ZNF385D: variants seen among roughly 807,000 people sequenced by gnomAD.
ZNF385D encodes the protein zinc finger protein 659.
ZNF385D carries 15 observed loss-of-function variants against 35.8 expected under a neutral mutation model. That is an observed-to-expected ratio of 0.42 (90% CI 0.28 to 0.64). ZNF385D has a LOEUF of 0.64. ZNF385D is among the 30% of genes least tolerant of loss of function. The pLI is 0.23. For synonymous variants in ZNF385D, 212 were observed against 186.8 expected (o/e 1.13, Z -1.10); for missense variants, 474 against 494.6 (o/e 0.96, Z 0.39).
chr3:21,773,972 A>T (rs2071185381), intron 3 of ZNF385D, among the ~76,000 whole-genome samples: 1 of 152,060 alleles, frequency 6.6e-6, no homozygotes. Flanking sequence ...ATGCACACAT[A>T]TGTTCATTGC....
At chr3:21,826,998 T>G (rs1694684681) in intron 3 of ZNF385D, among the ~76,000 whole-genome samples, 1 of 152,128 alleles carries the variant, frequency 6.6e-6, no homozygotes, top group Non-Finnish European at 1.5e-5. Flanking sequence ...TCACTTCCTC[T>G]CTGTGCCTCT....
chr3:21,880,133 C>G (rs535823712), intron 3 of ZNF385D, among the ~76,000 whole-genome samples: 1 of 151,906 alleles, frequency 6.6e-6, no homozygotes, highest in South Asian at 2.1e-4. Flanking sequence ...TTTAAAGGTT[C>G]CAGAAGCATA....
At chr3:21,851,606 CT>C (rs1696391918) in intron 3 of ZNF385D, among the ~76,000 whole-genome samples, 2 of 151,870 alleles carry the variant, frequency 1.3e-5, no homozygotes, top group African/African-American at 4.8e-5. Flanking sequence ...AAGAAAATAT[CT>C]TGTGGTCATG....
rs1559561978 is a variant in ZNF385D at position 21,732,047 on chromosome 3, T to G, written c.22+18848A>C. The stretch of plus-strand genomic sequence containing the variant: ...TTTTCGGGGTTTTTTTTTTTTTTTT[T>G]TTTTTTTTTTTTTTTTTTTTTTGAG... On this transcript the variant is annotated intron_variant, in intron 1 of 7. Coordinates refer to ENST00000281523, the MANE Select transcript of ZNF385D (RefSeq NM_024697.3). 5.7e-3 allele frequency among the ~76,000 whole-genome samples: 309 copies of G among 54,132 alleles called. 55 individuals are homozygous for G. The highest frequency in any genetic ancestry group is 0.025 in the Middle Eastern group (3 of 118). The allele number at this position is 54,132 out of a possible 152,430, so 35.5% of individuals were successfully genotyped here.
intron 2 of ZNF385D, among the ~76,000 whole-genome samples, chr3:22,288,165 C>A (rs1256001926): frequency 6.6e-6 from 1 of 151,916 alleles, no homozygotes; most frequent in South Asian, 2.1e-4. Flanking sequence ...ACAAGTAGTT[C>A]TCTTGCTGTT....
rs535632234 is a variant in ZNF385D at position 21,541,733 on chromosome 3, A to G, written c.276+22841T>C. Among the ~76,000 whole-genome samples the G allele has an allele frequency of 3.3e-5, 5 of 152,336 alleles. 1 individual carries two copies. The highest frequency in any genetic ancestry group is 1.2e-4 in the African/African-American group (5 of 41,584). ...AAAAAAAGCAAGAGTCTTGATAAAC[A>G]GGAACTAGGATTAATGAAATGGAAT... is the stretch of plus-strand genomic sequence containing the variant. On this transcript the variant is annotated intron_variant, in intron 3 of 7. Coordinates refer to ENST00000281523, the MANE Select transcript of ZNF385D (RefSeq NM_024697.3).
At chr3:21,758,679 C>T (rs1244338035) in intron 3 of ZNF385D, among the ~76,000 whole-genome samples, 1 of 152,088 alleles carries the variant, frequency 6.6e-6, no homozygotes, top group Admixed American at 6.5e-5. Flanking sequence ...GATCCCCTTG[C>T]AGTAAGAAGC....
intron 3 of ZNF385D, among the ~76,000 whole-genome samples, chr3:22,110,576 G>C (rs562076350): frequency 7.2e-5 from 11 of 151,974 alleles, no homozygotes; most frequent in Non-Finnish European, 1.6e-4. Context: ...CTCATAGATG[G>C]GAATTGAACA....
intron 3 of ZNF385D, among the ~76,000 whole-genome samples, chr3:22,023,809 C>CT (rs1697368462): frequency 6.6e-6 from 1 of 151,924 alleles, no homozygotes; most frequent in African/African-American, 2.4e-5. Context: ...AAAGCAAGAA[C>CT]TTGGAAGAGT....
At chr3:22,092,068 A>G (rs1824972) in intron 3 of ZNF385D, among the ~76,000 whole-genome samples, 19,464 of 152,216 alleles carry the variant, frequency 0.13, 1,548 homozygotes, top group Middle Eastern at 0.24. Context: ...ACTTTTGAAT[A>G]AAAGTTCAAG....
At chr3:21,896,105 C>T (rs945959788) in intron 3 of ZNF385D, among the ~76,000 whole-genome samples, 5 of 152,052 alleles carry the variant, frequency 3.3e-5, no homozygotes, top group Admixed American at 2.0e-4. Flanking sequence ...CTGATATATC[C>T]CTGCTCCCAT....
intron 3 of ZNF385D, among the ~76,000 whole-genome samples, chr3:22,133,147 T>A (rs1377418193): frequency 6.6e-6 from 1 of 152,162 alleles, no homozygotes; most frequent in Non-Finnish European, 1.5e-5. Flanking sequence ...CTTTAAAAAA[T>A]ACCCTCAAAT....
intron 3 of ZNF385D, among the ~76,000 whole-genome samples, chr3:21,823,428 GC>G (rs970219705): frequency 3.0e-5 from 4 of 133,710 alleles, no homozygotes; most frequent in Admixed American, 2.8e-4. Flanking sequence ...ATGCCTGTAA[GC>G]CCCCCAAACA....
intron 3 of ZNF385D, among the ~76,000 whole-genome samples, chr3:21,841,935 C>G (rs1175902861): frequency 6.6e-6 from 1 of 151,158 alleles, no homozygotes; most frequent in Non-Finnish European, 1.5e-5. Flanking sequence ...CACATATATA[C>G]ATATATATAC....
intron 3 of ZNF385D, among the ~76,000 whole-genome samples, chr3:22,165,789 C>T (rs1706275105): frequency 6.6e-6 from 1 of 152,144 alleles, no homozygotes; most frequent in Non-Finnish European, 1.5e-5. Context: ...CTTGGCAACT[C>T]TTGCCTCAAC....
intron 3 of ZNF385D, among the ~76,000 whole-genome samples, chr3:22,033,517 T>A (rs909593602): frequency 6.6e-6 from 1 of 151,732 alleles, no homozygotes; most frequent in Non-Finnish European, 1.5e-5. Context: ...ATAGAATATA[T>A]TTTAAAAGAC....
rs75550439 is a variant in ZNF385D at position 22,008,105 on chromosome 3, G to C, written c.325+160712C>G. Among the ~76,000 whole-genome samples the C allele has an allele frequency of 3.9e-4, 59 of 152,064 alleles. No individual in the cohort carries two copies. The East Asian group carries it at 0.011, about 28-fold the overall frequency. On this transcript the variant is annotated intron_variant, in intron 3 of 5. Transcript: ENST00000494108. ...ATTTTACTTTTTACATGATGATTTA[G>C]TTGACCCTTTATTATTATTTTTTAA...
chr3:21,459,857 T>C (rs936649399), intron 4 of ZNF385D, among the ~76,000 whole-genome samples: 1 of 151,420 alleles, frequency 6.6e-6, no homozygotes, highest in African/African-American at 2.5e-5. Context: ...TTTTATCTTG[T>C]GTGAAGACTT....
intron 3 of ZNF385D, among the ~76,000 whole-genome samples, chr3:22,114,013 A>G (rs1702678195): frequency 6.6e-6 from 1 of 152,146 alleles, no homozygotes; most frequent in South Asian, 2.1e-4. Context: ...ATTTGATTCT[A>G]TAAATGTTTT....
Sources: allele counts gnomAD v4.1 joint callset (sites outside exome capture counted in the v4.1 genomes callset), GRCh38; gene constraint gnomAD v4.1.1; transcripts MANE v1.5; gene names NCBI Gene and HGNC (gene_info 2026-07-23, HGNC 2026-07-21).